Variants in OR51B5 observed in about 807,000 individuals in gnomAD.
OR51B5 encodes the protein olfactory receptor family 51 subfamily B member 5.
For synonymous variants in OR51B5, 186 were observed against 144.8 expected (o/e 1.28, Z -2.04); for missense variants, 456 against 374.6 (o/e 1.22, Z -1.79).
At chr11:5,474,119 C>T (rs770145922) in intron 1 of OR51B5, among the ~76,000 whole-genome samples, 69 of 152,138 alleles carry the variant, frequency 4.5e-4, no homozygotes, top group Admixed American at 1.2e-3. Context: ...TTATTGATGA[C>T]CAAGCACATA....
chr11:5,344,982 G>A (rs534454555), upstream of OR51B5, among the ~76,000 whole-genome samples: 244 of 152,216 alleles, frequency 1.6e-3, 1 homozygote, highest in African/African-American at 5.5e-3. Context: ...AAACCTGACC[G>A]TATACAGACC....
chr11:5,419,179 C>T (rs528352383), intron 1 of OR51B5, among the ~76,000 whole-genome samples: 2 of 152,184 alleles, frequency 1.3e-5, no homozygotes, highest in South Asian at 2.1e-4. Context: ...TGGGGGCACA[C>T]TTGTGTGTCA....
chr11:5,488,936 G>T, intron 1 of OR51B5: 1 of 1,614,048 alleles, frequency 6.2e-7, no homozygotes. Flanking sequence ...CTGGCTCTCA[G>T]TTCTACCACT....
chr11:5,409,368 G>C (rs1012528719), intron 1 of OR51B5, among the ~76,000 whole-genome samples: 1 of 151,950 alleles, frequency 6.6e-6, no homozygotes, highest in Non-Finnish European at 1.5e-5. Flanking sequence ...GAACAGAAAA[G>C]AACTTTGAAT....
At chr11:5,485,997 G>A (rs1851492440) in intron 1 of OR51B5, among the ~76,000 whole-genome samples, 2 of 152,072 alleles carry the variant, frequency 1.3e-5, no homozygotes, top group South Asian at 4.1e-4. Flanking sequence ...GGGAGATGAG[G>A]GCACAGGCAG....
chr11:5,441,549 G>A, intron 1 of OR51B5: 1 of 1,502,580 alleles, frequency 6.7e-7, no homozygotes, highest in Non-Finnish European at 9.1e-7. Context: ...GGACCCAAGA[G>A]GGTGTGTTGG....
chr11:5,467,712 G>C (rs1056180737), intron 1 of OR51B5, among the ~76,000 whole-genome samples: 6 of 152,182 alleles, frequency 3.9e-5, no homozygotes, highest in Non-Finnish European at 8.8e-5. Context: ...ATGTGCTTAA[G>C]CTTGTTGTCT....
At chr11:5,501,969 A>G (rs1407988495) in intron 1 of OR51B5, among the ~76,000 whole-genome samples, 2 of 149,310 alleles carry the variant, frequency 1.3e-5, no homozygotes, top group African/African-American at 5.0e-5. Context: ...CCCTGTGTCC[A>G]TGTGTTCTCA....
intron 1 of OR51B5, among the ~76,000 whole-genome samples, chr11:5,398,004 G>A (rs9795017): frequency 0.53 from 80,250 of 151,644 alleles, 21,745 homozygotes; most frequent in African/African-American, 0.65. Flanking sequence ...TGAACAATGA[G>A]AACACATGGA....
At chr11:5,489,658 A>G (rs1564831434) in intron 1 of OR51B5, 8 of 1,604,238 alleles carry the variant, frequency 5.0e-6, no homozygotes, top group Non-Finnish European at 6.8e-6. Flanking sequence ...GAAGACTTCA[A>G]TATGAATGCT....
chr11:5,414,285 C>G (rs11037353), intron 1 of OR51B5, among the ~76,000 whole-genome samples: 56,861 of 147,612 alleles, frequency 0.39, 12,379 homozygotes, highest in Non-Finnish European at 0.49. Flanking sequence ...GAAGGAAGCA[C>G]TAAACATGGA....
chr11:5,341,630 T>G (rs1353768280), downstream of OR51B5, among the ~76,000 whole-genome samples: 1 of 152,228 alleles, frequency 6.6e-6, no homozygotes, highest in Non-Finnish European at 1.5e-5. Context: ...TTGTATTCTT[T>G]GGGAAATTTA....
intron 1 of OR51B5, chr11:5,403,539 A>G (rs1445860153): frequency 4.3e-6 from 2 of 470,190 alleles, no homozygotes; most frequent in South Asian, 3.1e-5. Flanking sequence ...GAAAAGACGC[A>G]GAGTGTAGCC....
rs185826522 is a variant in OR51B5 at position 5,361,803 on chromosome 11, C to A, written n.85-14893G>T. ...AATCCACGGGAATACAGAATGATAT[C>A]TCTGGTGTAGTTCCAGACTCTGGTT... On this transcript the variant is annotated intron_variant and non_coding_transcript_variant, in intron 1 of 4. Coordinates refer to the OR51B5 transcript ENST00000415970. 2.3e-3 allele frequency among the ~76,000 whole-genome samples: 348 copies of A among 152,226 alleles called. 2 individuals carry two copies. The highest frequency in any genetic ancestry group is 0.02 in the Middle Eastern group (6 of 294).
At chr11:5,465,131 G>T (rs1241770944) in intron 1 of OR51B5, among the ~76,000 whole-genome samples, 1 of 146,950 alleles carries the variant, frequency 6.8e-6, no homozygotes, top group African/African-American at 2.5e-5. Flanking sequence ...GCGTGAACCC[G>T]GGAGGCGGAG....
chr11:5,448,492 A>G (rs1850802225), intron 1 of OR51B5, among the ~76,000 whole-genome samples: 1 of 152,202 alleles, frequency 6.6e-6, no homozygotes, highest in African/African-American at 2.4e-5. Context: ...CTTATGTCCT[A>G]TCCAAAAGAC....
intron 1 of OR51B5, chr11:5,431,023 G>A (rs1850526985): frequency 2.2e-6 from 1 of 456,992 alleles, no homozygotes; most frequent in Admixed American, 2.3e-5. Flanking sequence ...GTTGAGTTTA[G>A]TATCTGCACA....
At chr11:5,481,888 C>T (rs1851427432) in intron 1 of OR51B5, among the ~76,000 whole-genome samples, 1 of 142,138 alleles carries the variant, frequency 7.0e-6, no homozygotes, top group South Asian at 2.4e-4. Flanking sequence ...ATTCCATGCT[C>T]ACGGGTAGGA....
In OR51B5 at chr11:5,359,866, C is replaced by G. The variant is rs143190054; in HGVS notation, n.85-12956G>C. The stretch of plus-strand genomic sequence containing the variant: ...ATGTCTACAACCATCTGATCTTTGA[C>G]AAACCTGACAAAAAAAACAAATGGG... On this transcript the variant is annotated intron_variant and non_coding_transcript_variant, in intron 1 of 4. Coordinates refer to the OR51B5 transcript ENST00000415970. Among the ~76,000 whole-genome samples, 592 of 152,142 alleles carry G rather than the reference C, an allele frequency of 3.9e-3. 1 individual carries two copies. Among genetic ancestry groups the G allele is most frequent in the Middle Eastern group, 0.01 (3 of 294 alleles).
Sources: gnomAD v4.1 joint callset for allele counts (sites outside exome capture counted in the v4.1 genomes callset) on GRCh38, gnomAD v4.1.1 for gene constraint, MANE v1.5 for transcripts, NCBI Gene and HGNC (gene_info 2026-07-23, HGNC 2026-07-21) for gene names.